PIGK: variants seen among roughly 807,000 people sequenced by gnomAD.
PIGK encodes the protein phosphatidylinositol glycan anchor biosynthesis class K, also known as GPI-anchor transamidase.
Under a neutral mutation model 50.6 loss-of-function variants are expected in PIGK, and 42 were observed. The ratio of observed to expected loss-of-function variants is 0.83; its 90% confidence interval spans 0.65 to 1.07. The LOEUF is 1.07. PIGK is among the 50% of genes least tolerant of loss of function. The probability of loss-of-function intolerance (pLI) is 0.00; values close to 1 mark genes in which losing one functional copy is unlikely to be tolerated. For missense variants in PIGK, 448 were observed against 488.7 expected (o/e 0.92, Z 0.78); for synonymous variants, 151 against 156.0 (o/e 0.97, Z 0.24).
chr1:77,200,548 A>G (rs1307148266), intron 3 of PIGK, among the ~76,000 whole-genome samples: 1 of 152,094 alleles, frequency 6.6e-6, no homozygotes, highest in Non-Finnish European at 1.5e-5. Flanking sequence ...TATATTATAT[A>G]CATTTTAGAA....
chr1:77,172,070 A>ATTTTTTTTTTTTTTTTTTTTTTTTTTTT (rs34115617), intron 3 of PIGK, among the ~76,000 whole-genome samples: 3 of 130,938 alleles, frequency 2.3e-5, no homozygotes, highest in African/African-American at 2.9e-5. Flanking sequence ...TCTACATTTA[A>ATTTTTTTTTTTTTTTTTTTTTTTTTTTT]TTTTTTTTTT....
intron 3 of PIGK, among the ~76,000 whole-genome samples, chr1:77,190,087 C>T (rs771664797): frequency 2.6e-5 from 4 of 151,812 alleles, no homozygotes; most frequent in Non-Finnish European, 4.4e-5. Context: ...AAGAGAACTG[C>T]CATTTGAAAG....
chr1:77,107,258 A>C lies in PIGK; in HGVS notation c.1072-14768T>G, dbSNP rs191674497. Among the ~76,000 whole-genome samples the C allele has an allele frequency of 8.3e-3, 1,264 of 152,086 alleles. 4 individuals are homozygous for C. The highest frequency in any genetic ancestry group is 0.013 in the Non-Finnish European group (910 of 67,944). On this transcript the variant is annotated intron_variant, in intron 10 of 10. Transcript: ENST00000370812. The stretch of plus-strand genomic sequence containing the variant: ...TAAATTTCCCTCTACACACTGCTTT[A>C]AATGTGTCCCAGAGATTCTGGTATG...
intron 9 of PIGK, 140 bp from the exon 10 acceptor site, chr1:77,122,499 G>C (rs1323645520): frequency 3.5e-6 from 2 of 578,092 alleles, no homozygotes; most frequent in Non-Finnish European, 3.1e-6. Flanking sequence ...AATAATCTTT[G>C]AAACACTACC....
intron 3 of PIGK, chr1:77,195,003 A>G: frequency 1.4e-6 from 1 of 723,208 alleles, no homozygotes; most frequent in South Asian, 1.3e-5. Flanking sequence ...AAAAAGCTCC[A>G]AACTCCACCA....
At chr1:77,140,288 C>A (rs1188729855) in intron 9 of PIGK, among the ~76,000 whole-genome samples, 1 of 151,938 alleles carries the variant, frequency 6.6e-6, no homozygotes, top group African/African-American at 2.4e-5. Flanking sequence ...CAAACCCTTG[C>A]CTTCCTCCCT....
At chr1:77,164,905 T>G (rs1181384868) in intron 5 of PIGK, among the ~76,000 whole-genome samples, 1 of 152,156 alleles carries the variant, frequency 6.6e-6, no homozygotes, top group Non-Finnish European at 1.5e-5. Context: ...TATTATCATA[T>G]TATCATAATT....
intron 10 of PIGK, among the ~76,000 whole-genome samples, chr1:77,104,619 C>A (rs371434981): frequency 6.6e-6 from 1 of 152,118 alleles, no homozygotes; most frequent in Non-Finnish European, 1.5e-5. Flanking sequence ...TAATTGGAGT[C>A]CCAAGTAGGA....
At chr1:77,121,939 C>T (rs570147330) in intron 10 of PIGK, among the ~76,000 whole-genome samples, 45 of 152,166 alleles carry the variant, frequency 3.0e-4, no homozygotes, top group Non-Finnish European at 5.1e-4. Flanking sequence ...GATATTTTTG[C>T]AGCTCTTTTT....
chr1:77,094,071 G>A lies in PIGK; in HGVS notation c.1072-1581C>T, dbSNP rs143968867. Among the ~76,000 whole-genome samples, 342 of 152,230 alleles carry A rather than the reference G, an allele frequency of 2.2e-3. 1 individual carries two copies. The highest frequency in any genetic ancestry group is 7.9e-3 in the African/African-American group (327 of 41,568). ...TAAACAAGACTACTGCTCAGTTTTT[G>A]TCCTGTTTATTTTCTACTAGTCAAA... is the stretch of plus-strand genomic sequence containing the variant. On this transcript the variant is annotated intron_variant, in intron 10 of 10. Transcript: ENST00000370812.
intron 9 of PIGK, among the ~76,000 whole-genome samples, chr1:77,149,748 T>TATA (rs1333794004): frequency 2.6e-5 from 4 of 152,150 alleles, no homozygotes; most frequent in Non-Finnish European, 5.9e-5. Flanking sequence ...CAAATGGACC[T>TATA]AATAGACATT....
chr1:77,195,383 C>G, intron 3 of PIGK: 2 of 1,199,326 alleles, frequency 1.7e-6, no homozygotes, highest in Non-Finnish European at 1.2e-6. Context: ...TACATCAGCA[C>G]GCAGAGTGCT....
At chr1:77,152,218 T>C (rs1654909048) in intron 9 of PIGK, among the ~76,000 whole-genome samples, 1 of 152,046 alleles carries the variant, frequency 6.6e-6, no homozygotes, top group Admixed American at 6.5e-5. Context: ...GCCAACTCAT[T>C]TCCAACAAAG....
chr1:77,202,198 T>G (rs1656185965), intron 3 of PIGK, among the ~76,000 whole-genome samples: 1 of 152,222 alleles, frequency 6.6e-6, no homozygotes, highest in Admixed American at 6.5e-5. Context: ...AGGTTCTACT[T>G]AGCTATGGGT....
intron 9 of PIGK, 145 bp from the exon 10 acceptor site, chr1:77,122,504 A>G: frequency 3.5e-6 from 2 of 575,674 alleles, no homozygotes; most frequent in South Asian, 2.4e-5. Context: ...TCTTTGAAAC[A>G]CTACCATTGA....
intron 8 of PIGK, among the ~76,000 whole-genome samples, chr1:77,160,403 A>G (rs1472693516): frequency 2.0e-5 from 3 of 152,182 alleles, no homozygotes; most frequent in Non-Finnish European, 4.4e-5. Context: ...AATTTACCTA[A>G]AAGATTTATA....
At chr1:77,194,457 T>TA (rs1005075516) in intron 3 of PIGK, among the ~76,000 whole-genome samples, 33 of 152,080 alleles carry the variant, frequency 2.2e-4, no homozygotes, top group South Asian at 1.2e-3. Context: ...TACACAGCCA[T>TA]AAAAAAACAC....
chr1:77,201,166 T>C (rs890440399), intron 3 of PIGK, among the ~76,000 whole-genome samples: 3 of 152,102 alleles, frequency 2.0e-5, no homozygotes, highest in Non-Finnish European at 2.9e-5. Flanking sequence ...AAAACAACAA[T>C]AACAAAAATT....
intron 2 of PIGK, among the ~76,000 whole-genome samples, chr1:77,207,198 G>A (rs912934911): frequency 5.9e-5 from 9 of 152,122 alleles, no homozygotes; most frequent in Admixed American, 1.3e-4. Flanking sequence ...AAAACTAATC[G>A]CTCCAAAGAG....
Sources: allele counts gnomAD v4.1 joint callset (sites outside exome capture counted in the v4.1 genomes callset), GRCh38; gene constraint gnomAD v4.1.1; transcripts MANE v1.5; gene names NCBI Gene and HGNC (gene_info 2026-07-23, HGNC 2026-07-21).